Variants in BRINP3 observed in about 807,000 individuals in gnomAD.
BRINP3 encodes BMP/retinoic acid inducible neural specific 3, also known as BMP/retinoic acid-inducible neural-specific protein 3.
BRINP3 carries 19 observed loss-of-function variants against 71.0 expected under a neutral mutation model. The observed-to-expected ratio is 0.27, with a 90% CI of 0.19 to 0.39. BRINP3 has a LOEUF of 0.39. Among genes scored for constraint, BRINP3 ranks in the 10% least tolerant of loss-of-function variants. The pLI is 1.00. For missense variants in BRINP3, 959 were observed against 940.8 expected, an observed-to-expected ratio of 1.02 and a Z score of -0.25; for synonymous variants, 380 against 337.7, an observed-to-expected ratio of 1.13 and a Z score of -1.37.
chr1:190,162,753 A>T (rs1434127351), intron 6 of BRINP3, among the ~76,000 whole-genome samples: 1 of 152,184 alleles, frequency 6.6e-6, no homozygotes, highest in Non-Finnish European at 1.5e-5. Flanking sequence ...ATCTTTAAAT[A>T]CATTTTAACT....
intron 3 of BRINP3, among the ~76,000 whole-genome samples, chr1:190,271,425 T>A (rs1662100572): frequency 6.6e-6 from 1 of 151,534 alleles, no homozygotes; most frequent in African/African-American, 2.4e-5. Flanking sequence ...CTGTAAAGGG[T>A]TTGTAATATC....
chr1:190,311,962 AT>A (rs1665552385), intron 2 of BRINP3, among the ~76,000 whole-genome samples: 1 of 147,732 alleles, frequency 6.8e-6, no homozygotes, highest in South Asian at 2.1e-4. Context: ...AAAACATGTT[AT>A]CTTAATTAGA....
In BRINP3 at chr1:190,454,748, A is replaced by C. The variant is rs1339041489; in HGVS notation, c.143T>G (p.Leu48Arg). Residue 48 changes from leucine (L) to arginine (R), a missense_variant, in exon 2 of 8, where the codon CTC (leucine) becomes CGC (arginine). By Grantham distance (102) the Leu-to-Arg change is moderately radical. Coordinates refer to ENST00000367462, the MANE Select transcript of BRINP3 (RefSeq NM_199051.3). The stretch of plus-strand genomic sequence containing the variant: ...GCGATGGAAGGGTCCCTTATCAGAG[A>C]GGAGCCAGTCGAAGGGGCTTGTGGC... ...QHATSPFDWL[L>R]SDKGPFHRSQ... is the part of the protein sequence containing the mutation. 1.9e-6 allele frequency: 3 copies of C among 1,614,160 alleles called. No homozygotes were observed. In the South Asian group the frequency reaches 3.3e-5, roughly 18 times the overall value.
At chr1:190,192,178 C>A (rs1269768818) in intron 6 of BRINP3, among the ~76,000 whole-genome samples, 2 of 152,032 alleles carry the variant, frequency 1.3e-5, no homozygotes, top group South Asian at 4.1e-4. Context: ...AAGTAGATAG[C>A]AAATAAGCAG....
chr1:190,242,545 A>G (rs971657306), intron 4 of BRINP3, among the ~76,000 whole-genome samples: 6 of 152,122 alleles, frequency 3.9e-5, no homozygotes, highest in African/African-American at 1.4e-4. Context: ...TTATGCATCT[A>G]TGCAAATTAC....
intron 6 of BRINP3, among the ~76,000 whole-genome samples, chr1:190,204,159 G>GA (rs1377116589): frequency 1.3e-5 from 2 of 151,798 alleles, no homozygotes; most frequent in Non-Finnish European, 2.9e-5. Context: ...CTTGATGAAA[G>GA]AGACCTTATC....
At chr1:190,425,389 A>G (rs1181550904) in intron 2 of BRINP3, among the ~76,000 whole-genome samples, 2 of 151,784 alleles carry the variant, frequency 1.3e-5, no homozygotes, top group Admixed American at 1.3e-4. Flanking sequence ...TTTTGTCTCA[A>G]CATAAGCATA....
At chr1:190,171,926 G>C (rs1328871167) in intron 6 of BRINP3, among the ~76,000 whole-genome samples, 2 of 151,636 alleles carry the variant, frequency 1.3e-5, no homozygotes, top group East Asian at 3.9e-4. Context: ...GCGAAGCATA[G>C]TAAGACCCCA....
intron 4 of BRINP3, among the ~76,000 whole-genome samples, chr1:190,251,873 C>T (rs931338714): frequency 1.4e-5 from 2 of 145,062 alleles, no homozygotes; most frequent in African/African-American, 5.5e-5. Context: ...CAAATAGTTT[C>T]CTTATTTACC....
At chr1:190,362,999 T>C (rs761939552) in intron 2 of BRINP3, among the ~76,000 whole-genome samples, 24 of 152,186 alleles carry the variant, frequency 1.6e-4, no homozygotes, top group Admixed American at 5.2e-4. Flanking sequence ...TTTCTATAAA[T>C]AGGTTATTAA....
At chr1:190,149,766 G>A (rs1028982166) in intron 7 of BRINP3, among the ~76,000 whole-genome samples, 16 of 151,962 alleles carry the variant, frequency 1.1e-4, no homozygotes, top group African/African-American at 3.6e-4. Flanking sequence ...TTTTGTTTCA[G>A]TTCAATACAA....
intron 2 of BRINP3, among the ~76,000 whole-genome samples, chr1:190,423,369 C>A (rs1358245552): frequency 6.6e-6 from 1 of 151,576 alleles, no homozygotes; most frequent in African/African-American, 2.4e-5. Context: ...TCTAAGGCAG[C>A]CCCCAGTCCA....
At chr1:190,239,793 A>G (rs183684480) in intron 4 of BRINP3, among the ~76,000 whole-genome samples, 6 of 152,182 alleles carry the variant, frequency 3.9e-5, no homozygotes, top group Admixed American at 2.6e-4. Flanking sequence ...ATGCATATGT[A>G]ATAAAATGCA....
chr1:190,294,070 C>T (rs1191775818), intron 2 of BRINP3, among the ~76,000 whole-genome samples: 1 of 151,952 alleles, frequency 6.6e-6, no homozygotes, highest in East Asian at 1.9e-4. Context: ...CATTTTGTTA[C>T]TAGATGTTCT....
chr1:190,390,565 G>T (rs1472809847), intron 2 of BRINP3, among the ~76,000 whole-genome samples: 6 of 151,782 alleles, frequency 4.0e-5, no homozygotes, highest in African/African-American at 1.4e-4. Context: ...TCAAGGAACA[G>T]GTGGGATGCA....
At chr1:190,361,199 G>A (rs1362134032) in intron 2 of BRINP3, among the ~76,000 whole-genome samples, 2 of 151,748 alleles carry the variant, frequency 1.3e-5, no homozygotes, top group African/African-American at 2.4e-5. Context: ...AGTTTATGAG[G>A]GCATTAAGGC....
chr1:190,414,143 A>G (rs1419002510), intron 2 of BRINP3, among the ~76,000 whole-genome samples: 1 of 151,916 alleles, frequency 6.6e-6, no homozygotes, highest in Non-Finnish European at 1.5e-5. Context: ...AAATCATGCT[A>G]TTTTCATTTT....
chr1:190,164,740 C>G (rs898469621), intron 6 of BRINP3, among the ~76,000 whole-genome samples: 2 of 151,748 alleles, frequency 1.3e-5, no homozygotes, highest in Admixed American at 1.3e-4. Context: ...ACATGCCTAG[C>G]TAATATTTTA....
At chr1:190,338,367 T>G (rs1000193581) in intron 2 of BRINP3, among the ~76,000 whole-genome samples, 12 of 152,060 alleles carry the variant, frequency 7.9e-5, no homozygotes, top group South Asian at 2.1e-4. Context: ...GTAAATTTGT[T>G]ATTTTTTTCT....
Sources: gnomAD v4.1 joint callset for allele counts (sites outside exome capture counted in the v4.1 genomes callset) on GRCh38, gnomAD v4.1.1 for gene constraint, MANE v1.5 for transcripts, NCBI Gene and HGNC (gene_info 2026-07-23, HGNC 2026-07-21) for gene names.